Variants in TRANK1 observed in about 807,000 individuals in gnomAD.
TRANK1 encodes TPR and ankyrin repeat-containing protein 1.
A neutral mutation model predicts 266.0 loss-of-function variants in TRANK1; 198 were observed. That is an observed-to-expected ratio of 0.74 (90% confidence interval 0.66 to 0.84). The LOEUF is 0.84. TRANK1 is among the 40% of genes least tolerant of loss of function. The pLI, the probability that TRANK1 is intolerant of heterozygous loss-of-function variation, is 0.00. For synonymous variants in TRANK1, 1,396 were observed against 1,384.1 expected (o/e 1.01, Z -0.19); for missense variants, 3,326 against 3,634.6 (o/e 0.92, Z 2.18).
chr3:36,925,424 T>C (rs1187961182), intron 1 of TRANK1, among the ~76,000 whole-genome samples: 2 of 152,190 alleles, frequency 1.3e-5, no homozygotes, highest in African/African-American at 2.4e-5. Context: ...ACCAAGTTGC[T>C]GGTGCTGAGA....
chr3:36,908,613 A>C (rs1198925892), intron 1 of TRANK1, 159 bp from the exon 2 acceptor site: 28 of 1,229,576 alleles, frequency 2.3e-5, no homozygotes, highest in Non-Finnish European at 2.8e-5. Flanking sequence ...CCAGGAAACC[A>C]GGCAGAGTGT....
chr3:36,890,594 TTGG>T, intron 7 of TRANK1, among the ~76,000 whole-genome samples: 1 of 152,024 alleles, frequency 6.6e-6, no homozygotes, highest in African/African-American at 2.4e-5. Flanking sequence ...GGTGAGGGGG[TTGG>T]TGGCAAAGAG....
intron 1 of TRANK1, among the ~76,000 whole-genome samples, chr3:36,922,098 A>T (rs942909499): frequency 6.6e-6 from 1 of 152,200 alleles, no homozygotes; most frequent in Admixed American, 6.6e-5. Flanking sequence ...GTAAACCATG[A>T]CTATGCCACT....
At chr3:36,890,024 G>T in intron 7 of TRANK1, 64 bp from the exon 8 acceptor site, 1 of 1,517,042 alleles carries the variant, frequency 6.6e-7, no homozygotes, top group Non-Finnish European at 8.8e-7. Context: ...AAGTTAATTT[G>T]TGCAGAAGCA....
chr3:36,855,839 C>T lies in TRANK1; in HGVS notation c.3883G>A (p.Ala1295Thr). The change falls in exon 13 of 24, where the codon GCT (alanine) becomes ACT (threonine). Residue 1295 changes from alanine to threonine, a missense_variant. Physicochemically the swap from Ala to Thr is moderately conservative, Grantham distance 58. Transcript: ENST00000645898. The part of the protein sequence containing the change: ...IPSWQEDEEE[A>T]EVDGDYSEED... The stretch of plus-strand genomic sequence containing the variant: ...TCACTGTAGTCCCCATCCACCTCAG[C>T]CTCCTCTTCATCCTCTTGCCAACTA... 6.2e-7 allele frequency: 1 copy of T among 1,613,680 alleles called. No individual in the cohort carries two copies. Among genetic ancestry groups the T allele is most frequent in the Non-Finnish European group, 8.5e-7 (1 of 1,179,820 alleles).
In TRANK1 at chr3:36,944,839, C is replaced by G. The variant is rs774436529; in HGVS notation, c.-30G>C. On this transcript the variant is annotated 5_prime_UTR_variant, in exon 1 of 24. Transcript: ENST00000645898. ...GCGGCCGGAGGGTCCGCACCAGGAC[C>G]GCCGCCGCCTGGGGAAGCGCTTCCC... 1 of 1,450,356 alleles carries G rather than the reference C, an allele frequency of 6.9e-7. No individual in the cohort carries two copies. Among genetic ancestry groups the G allele is most frequent in the Non-Finnish European group, 9.0e-7 (1 of 1,108,434 alleles). 89.8% of individuals were successfully genotyped at this position (1,450,356 alleles called of 1,614,324 possible).
intron 1 of TRANK1, among the ~76,000 whole-genome samples, chr3:36,932,139 A>T (rs1475603977): frequency 6.6e-6 from 1 of 152,244 alleles, no homozygotes; most frequent in African/African-American, 2.4e-5. Flanking sequence ...AAAAAGTAAC[A>T]GACATGAATC....
chr3:36,861,920 T>C (rs1227726172), intron 10 of TRANK1, among the ~76,000 whole-genome samples: 1 of 152,030 alleles, frequency 6.6e-6, no homozygotes, highest in Non-Finnish European at 1.5e-5. Flanking sequence ...TTAGCCAGGA[T>C]GGTCTCGATC....
intron 13 of TRANK1, among the ~76,000 whole-genome samples, chr3:36,853,296 T>C (rs1275198267): frequency 1.3e-5 from 2 of 152,196 alleles, no homozygotes; most frequent in Non-Finnish European, 2.9e-5. Context: ...CCTGGGTGTC[T>C]CCACTACTCT....
chr3:36,934,635 G>A (rs891668394), intron 1 of TRANK1, among the ~76,000 whole-genome samples: 7 of 152,032 alleles, frequency 4.6e-5, no homozygotes, highest in East Asian at 1.9e-4. Context: ...ACAAGGCCTC[G>A]GAATCCTTTG....
chr3:36,908,541 G>A (rs1242751694), intron 1 of TRANK1, 87 bp from the exon 2 acceptor site: 4 of 1,231,626 alleles, frequency 3.2e-6, no homozygotes, highest in East Asian at 6.3e-5. Flanking sequence ...TCTGGAGAAG[G>A]AGTTCGCTCA....
intron 20 of TRANK1, among the ~76,000 whole-genome samples, chr3:36,837,736 T>A (rs2078789365): frequency 6.6e-6 from 1 of 152,210 alleles, no homozygotes; most frequent in African/African-American, 2.4e-5. Context: ...TGCAGACAAA[T>A]AATAGTTTGT....
In TRANK1 at chr3:36,843,505, A is replaced by T. The variant is rs182286242; in HGVS notation, c.5192-795T>A. Among the ~76,000 whole-genome samples the T allele has an allele frequency of 4.5e-3, 683 of 152,260 alleles. 5 individuals carry two copies. The highest frequency in any genetic ancestry group is 0.015 in the African/African-American group (631 of 41,554). ...ACATTCCTATTGGTGGACAGAGACC[A>T]TTGTCACCACCTGCTGTCCATCCCT... is the stretch of plus-strand genomic sequence containing the variant. On this transcript the variant is annotated intron_variant, in intron 17 of 23. Transcript: ENST00000645898.
At chr3:36,923,600 C>T (rs1045924370) in intron 1 of TRANK1, among the ~76,000 whole-genome samples, 1 of 152,158 alleles carries the variant, frequency 6.6e-6, no homozygotes, top group African/African-American at 2.4e-5. Flanking sequence ...AGTCACTGCT[C>T]ACCCACAACA....
intron 1 of TRANK1, among the ~76,000 whole-genome samples, chr3:36,913,844 C>T (rs535737992): frequency 5.7e-4 from 86 of 152,012 alleles, no homozygotes; most frequent in South Asian, 1.2e-3. Flanking sequence ...ATCCTGCCCC[C>T]GACCAAAGCC....
Position 36,846,378 on chromosome 3 carries a change from C to T in TRANK1, c.5061G>A (p.Leu1687=). 6.2e-7 allele frequency: 1 copy of T among 1,613,410 alleles called. No individual in the cohort carries two copies. ...CCCGAGCCCGTGTGATGGCGGTGTA[C>T]AGCTGCTTCAGCTCTCCGTTGAGGA... The part of the protein sequence containing the change: ...YKLLNGELKQ[L]YTAITRARVN... Residue 1687 remains leucine (L), a synonymous_variant, in exon 17 of 24, where the codon CTG becomes CTA. Coordinates refer to ENST00000645898, the MANE Select transcript of TRANK1 (RefSeq NM_001329998.2).
chr3:36,856,259 C>T lies in TRANK1; in HGVS notation c.3463G>A (p.Glu1155Lys). ...IEVETVESIDEQEYEACAGGA... is the reference protein window; with the variant it reads ...IEVETVESIDKQEYEACAGGA... ...CCTGCGCAGGCTTCATACTCCTGCT[C>T]ATCTATGCTTTCTACTGTTTCCACT... Residue 1155 changes from glutamate (E) to lysine (K), a missense_variant, in exon 13 of 24, where the codon GAG becomes AAG. Coordinates refer to ENST00000645898, the MANE Select transcript of TRANK1 (RefSeq NM_001329998.2). 8.1e-6 allele frequency: 13 copies of T among 1,609,694 alleles called. No homozygotes were observed. The highest frequency in any genetic ancestry group is 1.1e-5 in the Non-Finnish European group (13 of 1,177,614).
At chr3:36,886,708 C>T (rs925817456) in intron 8 of TRANK1, among the ~76,000 whole-genome samples, 6 of 151,738 alleles carry the variant, frequency 4.0e-5, no homozygotes, top group Admixed American at 6.6e-5. Flanking sequence ...GTCAGGAGAT[C>T]GAGACCATCC....
rs978092816 is a variant in TRANK1, at chr3:36,831,479, G to A, written c.8104C>T (p.Arg2702Ter). 7.4e-6 allele frequency: 12 copies of A among 1,612,924 alleles called. No homozygotes were observed. The highest frequency in any genetic ancestry group is 1.0e-5 in the Non-Finnish European group (12 of 1,179,524). ...DEMDELALED[R>*]DHVLATILSQ... ...AGAATGGTGGCCAGGACGTGGTCTCGGTCTTCTAATGCCAGTTCATCCATC... is the reference window on the plus strand; with the variant it reads ...AGAATGGTGGCCAGGACGTGGTCTCAGTCTTCTAATGCCAGTTCATCCATC... Residue 2702 changes from arginine to a stop codon, truncating the protein, a stop_gained, in exon 22 of 24, where the codon CGA (arginine) becomes TGA (stop). Coordinates refer to ENST00000645898, the MANE Select transcript of TRANK1 (RefSeq NM_001329998.2). LOFTEE classifies it high-confidence loss of function. The surrounding 1 kb of genome is among the most constrained non-coding windows in gnomAD (Gnocchi z 5.0).
Sources: gnomAD v4.1 joint callset for allele counts (sites outside exome capture counted in the v4.1 genomes callset) on GRCh38, gnomAD v4.1.1 for gene constraint, Gnocchi (gnomAD v3.1) non-coding constraint, MANE v1.5 for transcripts, NCBI Gene and HGNC (gene_info 2026-07-23, HGNC 2026-07-21) for gene names.